Variants in VAV1 observed in about 807,000 individuals in gnomAD.
The protein encoded by VAV1 is vav guanine nucleotide exchange factor 1.
A neutral mutation model predicts 128.1 loss-of-function variants in VAV1; 33 were observed. The ratio of observed to expected loss-of-function variants is 0.26; its 90% confidence interval spans 0.20 to 0.34. VAV1 has a LOEUF of 0.34. Among genes scored for constraint, VAV1 ranks in the 10% least tolerant of loss-of-function variants. VAV1 has a pLI of 1.00. For missense variants in VAV1, 715 were observed against 1,093.7 expected, an observed-to-expected ratio of 0.65 and a Z score of 4.88; for synonymous variants, 394 against 409.8, an observed-to-expected ratio of 0.96 and a Z score of 0.47.
At chr19:6,851,820 T>G (rs1365831134) in intron 24 of VAV1, among the ~76,000 whole-genome samples, 1 of 152,204 alleles carries the variant, frequency 6.6e-6, no homozygotes, top group East Asian at 1.9e-4. Context: ...TGCATCTGTA[T>G]TTTTTGTCTT....
Position 6,806,961 on chromosome 19 carries a change from C to T in VAV1, c.205-13741C>T, listed in dbSNP as rs547421757. Among the ~76,000 whole-genome samples, 24 of 152,282 alleles carry T rather than the reference C, an allele frequency of 1.6e-4. No homozygotes were observed. The South Asian group carries it at 1.9e-3, about 12-fold the overall frequency. On this transcript the variant is annotated intron_variant, in intron 1 of 26. Transcript: ENST00000602142. ...GTGATCCCAGTCTACTGGGATTCCA[C>T]GATCTGTTCAGACAGGTACAACCTG... is the stretch of plus-strand genomic sequence containing the variant.
At chr19:6,848,165 G>A in intron 23 of VAV1, 51 bp downstream of exon 23, 6 of 1,490,696 alleles carry the variant, frequency 4.0e-6, no homozygotes, top group Non-Finnish European at 5.3e-6. Flanking sequence ...GGCCCTGCGG[G>A]CCTGGGAAAA....
At chr19:6,849,918 T>C (rs1050787310) in intron 23 of VAV1, among the ~76,000 whole-genome samples, 4 of 152,136 alleles carry the variant, frequency 2.6e-5, no homozygotes, top group Non-Finnish European at 5.9e-5. Context: ...GTCTTTCTGG[T>C]AGCACAATTA....
chr19:6,815,165 T>TTTG (rs1568299717), intron 1 of VAV1, among the ~76,000 whole-genome samples: 1 of 152,002 alleles, frequency 6.6e-6, no homozygotes, highest in Non-Finnish European at 1.5e-5. Flanking sequence ...TTATTTATTT[T>TTTG]GAGACAGGGT....
In VAV1 at chr19:6,825,034, T is replaced by C. The variant is rs1263845317; in HGVS notation, c.655-19T>C. 10 of 1,613,850 alleles carry C rather than the reference T, an allele frequency of 6.2e-6. No individual in the cohort carries two copies. Among genetic ancestry groups the C allele is most frequent in the Non-Finnish European group, 7.6e-6 (9 of 1,179,822 alleles). The stretch of plus-strand genomic sequence containing the variant: ...GAGGGAATCTTATCTTCCGTCATCT[T>C]TCTCTCCCTTCCCCGCAGCATTTCT... On this transcript the variant is annotated intron_variant, in intron 6 of 26. Coordinates refer to ENST00000602142, the MANE Select transcript of VAV1 (RefSeq NM_005428.4).
chr19:6,801,390 C>G (rs541016926), intron 1 of VAV1, among the ~76,000 whole-genome samples: 7 of 152,276 alleles, frequency 4.6e-5, no homozygotes, highest in African/African-American at 1.4e-4. Flanking sequence ...CTGCCTGACC[C>G]TCCCACCGGT....
At chr19:6,798,377 C>T (rs1476649302) in intron 1 of VAV1, among the ~76,000 whole-genome samples, 6 of 151,938 alleles carry the variant, frequency 3.9e-5, no homozygotes, top group Non-Finnish European at 2.9e-5. Context: ...CCTGTAATCT[C>T]GCCCCTTTGG....
rs57771330 is a variant in VAV1 at position 6,777,234 on chromosome 19, TATCC to T, written c.204+4273_204+4276del. 0.28 allele frequency among the ~76,000 whole-genome samples: 41,189 copies of T among 145,214 alleles called. 6,171 individuals carry two copies. The highest frequency in any genetic ancestry group is 0.37 in the Admixed American group (5,215 of 14,130). On this transcript the variant is annotated intron_variant, in intron 1 of 26. Coordinates refer to ENST00000602142, the MANE Select transcript of VAV1 (RefSeq NM_005428.4). The surrounding 1 kb of genome is among the most constrained non-coding windows in gnomAD (Gnocchi z 4.4). ...TCATCCATCCATTTATCTGTTTAAC[TATCC>T]ATCCATCCATCCATCCATCCATCCA...
intron 22 of VAV1, among the ~76,000 whole-genome samples, chr19:6,843,543 T>C (rs1452847429): frequency 6.6e-6 from 1 of 152,164 alleles, no homozygotes; most frequent in Admixed American, 6.6e-5. Flanking sequence ...AGGTTTACAG[T>C]GTGGCTTTTG....
At chr19:6,823,211 T>C (rs1971839262) in intron 6 of VAV1, among the ~76,000 whole-genome samples, 2 of 150,198 alleles carry the variant, frequency 1.3e-5, no homozygotes, top group Non-Finnish European at 3.0e-5. Context: ...CTACAATCTC[T>C]GCCTACCGGG....
At chr19:6,814,697 T>TC (rs1971599109) in intron 1 of VAV1, among the ~76,000 whole-genome samples, 9 of 129,722 alleles carry the variant, frequency 6.9e-5, no homozygotes, top group African/African-American at 3.1e-4. Context: ...TCTTTCTTTC[T>TC]TTCTTTCTTT....
intron 1 of VAV1, among the ~76,000 whole-genome samples, chr19:6,819,719 G>A (rs943637221): frequency 6.6e-6 from 1 of 152,212 alleles, no homozygotes; most frequent in African/African-American, 2.4e-5. Context: ...GTTGGGGGTT[G>A]TGGGAGAGGC....
intron 1 of VAV1, among the ~76,000 whole-genome samples, chr19:6,775,026 G>A (rs938339620): frequency 2.0e-5 from 3 of 150,500 alleles, no homozygotes; most frequent in Admixed American, 6.7e-5. Context: ...TCGGCCTCTC[G>A]AAAGGCTGGG....
intron 1 of VAV1, among the ~76,000 whole-genome samples, chr19:6,810,058 T>C (rs1182141740): frequency 6.6e-6 from 1 of 152,086 alleles, no homozygotes; most frequent in Non-Finnish European, 1.5e-5. Context: ...TGCATGCCTG[T>C]AGTCCCAACA....
intron 1 of VAV1, among the ~76,000 whole-genome samples, chr19:6,804,360 G>A (rs1971339547): frequency 1.3e-5 from 2 of 151,986 alleles, no homozygotes; most frequent in African/African-American, 2.4e-5. Flanking sequence ...CTCTTGCAGG[G>A]CTACCCCACA....
At chr19:6,795,728 G>A (rs182496428) in intron 1 of VAV1, among the ~76,000 whole-genome samples, 1 of 152,212 alleles carries the variant, frequency 6.6e-6, no homozygotes, top group East Asian at 1.9e-4. Context: ...CTGTCGCCCA[G>A]GCTGGAGTGC....
chr19:6,790,133 G>A (rs1184097368), intron 1 of VAV1, among the ~76,000 whole-genome samples: 8 of 152,108 alleles, frequency 5.3e-5, no homozygotes, highest in Non-Finnish European at 1.0e-4. Flanking sequence ...AGCTGAGATC[G>A]TGCAAGTGCA....
At chr19:6,804,193 C>T (rs1971334421) in intron 1 of VAV1, among the ~76,000 whole-genome samples, 1 of 151,440 alleles carries the variant, frequency 6.6e-6, no homozygotes, top group Non-Finnish European at 1.5e-5. Context: ...GAATGTGACG[C>T]ACGGCAGGCA....
intron 1 of VAV1, among the ~76,000 whole-genome samples, chr19:6,812,306 C>G (rs1378753973): frequency 3.3e-5 from 5 of 152,172 alleles, no homozygotes; most frequent in Non-Finnish European, 7.3e-5. Context: ...TTGGGTTTCT[C>G]TCTCTGAGTG....
Sources: allele counts gnomAD v4.1 joint callset (sites outside exome capture counted in the v4.1 genomes callset), GRCh38; gene constraint gnomAD v4.1.1; non-coding constraint Gnocchi (gnomAD v3.1); transcripts MANE v1.5; gene names NCBI Gene and HGNC (gene_info 2026-07-23, HGNC 2026-07-21).